FHIT: variants seen among roughly 807,000 people sequenced by gnomAD.
FHIT encodes fragile histidine triad diadenosine triphosphatase, also known as bis(5'-adenosyl)-triphosphatase.
In FHIT, 19 loss-of-function variants were observed where a neutral mutation model predicts 17.9. The ratio of observed to expected loss-of-function variants is 1.06; its 90% CI spans 0.74 to 1.56. The LOEUF is 1.56. Ranked by LOEUF, FHIT falls within the 40% of genes most tolerant of loss-of-function variation. FHIT has a pLI of 0.00. For synonymous variants in FHIT, 81 were observed against 69.7 expected (o/e 1.16, Z -0.81); for missense variants, 248 against 189.2 (o/e 1.31, Z -1.82).
intron 2 of FHIT, among the ~76,000 whole-genome samples, chr3:61,176,556 A>T (rs2038161444): frequency 6.6e-6 from 1 of 152,190 alleles, no homozygotes; most frequent in Admixed American, 6.5e-5. Context: ...TTTATACTTT[A>T]TAAAGCTTTT....
At chr3:60,046,137 C>T (rs1329742175) in intron 5 of FHIT, among the ~76,000 whole-genome samples, 4 of 152,096 alleles carry the variant, frequency 2.6e-5, no homozygotes, top group Admixed American at 2.6e-4. Flanking sequence ...ATGTGTAAAA[C>T]GAAAGCAAGT....
chr3:60,974,100 T>C (rs1438254091), intron 3 of FHIT, among the ~76,000 whole-genome samples: 1 of 152,218 alleles, frequency 6.6e-6, no homozygotes, highest in Non-Finnish European at 1.5e-5. Context: ...GTTAAATTGA[T>C]AACTCAGGTG....
intron 5 of FHIT, among the ~76,000 whole-genome samples, chr3:60,064,772 T>C (rs1289513211): frequency 2.0e-5 from 3 of 152,206 alleles, no homozygotes; most frequent in East Asian, 3.8e-4. Flanking sequence ...TTTACATCCC[T>C]TTCACCTTAA....
At chr3:61,079,854 T>C (rs903749805) in intron 2 of FHIT, among the ~76,000 whole-genome samples, 2 of 152,190 alleles carry the variant, frequency 1.3e-5, no homozygotes, top group Non-Finnish European at 2.9e-5. Flanking sequence ...ACTTATATAT[T>C]CTCCCTACAA....
intron 5 of FHIT, among the ~76,000 whole-genome samples, chr3:60,024,010 G>T (rs116590301): frequency 0.025 from 3,835 of 150,520 alleles, 168 homozygotes; most frequent in African/African-American, 0.089. Context: ...AAAGAATTAT[G>T]AATTCCTAAT....
intron 5 of FHIT, among the ~76,000 whole-genome samples, chr3:60,530,525 A>G (rs762913911): frequency 2.0e-5 from 3 of 152,166 alleles, no homozygotes; most frequent in Non-Finnish European, 4.4e-5. Flanking sequence ...GGCTCCAGAA[A>G]CAAAAAATAA....
At chr3:61,201,822 GCATTT>G (rs2039021786) in intron 1 of FHIT, among the ~76,000 whole-genome samples, 13 of 152,198 alleles carry the variant, frequency 8.5e-5, no homozygotes, top group Admixed American at 8.5e-4. Flanking sequence ...GTGTAATATT[GCATTT>G]GTGAAATCTA....
intron 4 of FHIT, among the ~76,000 whole-genome samples, chr3:60,815,061 T>C (rs1207699549): frequency 6.6e-6 from 1 of 152,080 alleles, no homozygotes; most frequent in African/African-American, 2.4e-5. Context: ...GAAGTTTCTG[T>C]TCATGTCTTT....
At chr3:60,016,662 A>C (rs1332141365) in intron 5 of FHIT, among the ~76,000 whole-genome samples, 1 of 152,202 alleles carries the variant, frequency 6.6e-6, no homozygotes, top group Non-Finnish European at 1.5e-5. Context: ...TCAGTATAGA[A>C]AGCTGTGGGA....
intron 4 of FHIT, among the ~76,000 whole-genome samples, chr3:60,543,436 G>A (rs1197861715): frequency 6.6e-6 from 1 of 152,154 alleles, no homozygotes; most frequent in Non-Finnish European, 1.5e-5. Context: ...AGGGGAATGT[G>A]ACATCTTCAA....
chr3:60,432,957 C>G (rs534245242), intron 5 of FHIT, among the ~76,000 whole-genome samples: 21 of 150,310 alleles, frequency 1.4e-4, no homozygotes, highest in African/African-American at 5.1e-4. Flanking sequence ...GATACATACT[C>G]TTAAGAAAAT....
intron 3 of FHIT, among the ~76,000 whole-genome samples, chr3:61,028,449 C>T (rs1291173842): frequency 2.0e-5 from 3 of 152,150 alleles, no homozygotes; most frequent in Non-Finnish European, 4.4e-5. Context: ...TGGTTAATGG[C>T]ACCAGTCTCA....
intron 5 of FHIT, among the ~76,000 whole-genome samples, chr3:60,435,024 C>G (rs1204497444): frequency 1.3e-5 from 2 of 152,110 alleles, no homozygotes; most frequent in East Asian, 3.9e-4. Context: ...ACAAATAAAT[C>G]TAAAGTTAAA....
chr3:60,333,764 G>C lies in FHIT; in HGVS notation c.103+203096C>G, dbSNP rs569050516. On this transcript the variant is annotated intron_variant, in intron 5 of 9. Transcript: ENST00000492590. ...CTTAAAACATGAGAAAGTTATGTTTGTCTTTTCTGAGTTCCTTTCTCAAGA... is the reference window on the plus strand; with the variant it reads ...CTTAAAACATGAGAAAGTTATGTTTCTCTTTTCTGAGTTCCTTTCTCAAGA... Among the ~76,000 whole-genome samples the C allele has an allele frequency of 3.9e-4, 60 of 152,196 alleles. 1 individual carries two copies. The highest frequency in any genetic ancestry group is 1.3e-3 in the African/African-American group (55 of 41,538).
chr3:59,787,481 A>AACACACAC lies in FHIT; in HGVS notation c.349-35168_349-35161dup, dbSNP rs58100812. Among the ~76,000 whole-genome samples, 371 of 142,490 alleles carry AACACACAC rather than the reference A, an allele frequency of 2.6e-3. 3 individuals are homozygous for AACACACAC. The highest frequency in any genetic ancestry group is 8.8e-3 in the South Asian group (36 of 4,078). 93.5% of individuals were successfully genotyped at this position (142,490 alleles called of 152,430 possible). ...TGCATACCAGAAGCACAAGGGGCAA[A>AACACACAC]ACACACACACACACACACACACACA... On this transcript the variant is annotated intron_variant, in intron 8 of 9. Coordinates refer to ENST00000492590, the MANE Select transcript of FHIT (RefSeq NM_002012.4).
intron 5 of FHIT, among the ~76,000 whole-genome samples, chr3:60,126,602 T>C (rs530755062): frequency 5.3e-5 from 8 of 152,154 alleles, no homozygotes; most frequent in Non-Finnish European, 1.0e-4. Flanking sequence ...CTTGGAAATA[T>C]AAAACCCACA....
intron 3 of FHIT, among the ~76,000 whole-genome samples, chr3:60,906,464 C>A (rs1287497310): frequency 6.6e-6 from 1 of 152,174 alleles, no homozygotes; most frequent in Non-Finnish European, 1.5e-5. Flanking sequence ...GGCAATGGCA[C>A]CCCAGTAGCA....
intron 4 of FHIT, among the ~76,000 whole-genome samples, chr3:60,722,707 C>CTTTTTTT (rs1157024624): frequency 1.6e-4 from 17 of 104,964 alleles, no homozygotes; most frequent in South Asian, 3.5e-4. Flanking sequence ...TACCTTAAAT[C>CTTTTTTT]TTTTTTTTTT....
rs927608000 is a variant in FHIT, at chr3:60,134,566, C to T, written c.104-120414G>A. ...AACATGATGACTATGTTCATGAACA[C>T]ACATGCTCATATACATATATACATG... On this transcript the variant is annotated intron_variant, in intron 5 of 9. Transcript: ENST00000492590. 2.6e-5 allele frequency among the ~76,000 whole-genome samples: 4 copies of T among 152,186 alleles called. No individual in the cohort carries two copies. The East Asian group carries it at 5.8e-4, about 22-fold the overall frequency.
Sources: allele counts gnomAD v4.1 joint callset (sites outside exome capture counted in the v4.1 genomes callset), GRCh38; gene constraint gnomAD v4.1.1; transcripts MANE v1.5; gene names NCBI Gene and HGNC (gene_info 2026-07-23, HGNC 2026-07-21).